RBMS3: variants seen among roughly 807,000 people sequenced by gnomAD.
RBMS3 encodes RNA binding motif single stranded interacting protein 3.
RBMS3 carries 27 observed loss-of-function variants against 66.8 expected under a neutral mutation model. The ratio of observed to expected loss-of-function variants is 0.40; its 90% confidence interval spans 0.30 to 0.56. The LOEUF is 0.56. Among genes scored for constraint, RBMS3 ranks in the 20% least tolerant of loss-of-function variants. RBMS3 has a pLI of 0.40. For missense variants in RBMS3, 513 were observed against 549.5 expected, an observed-to-expected ratio of 0.93 and a Z score of 0.66; for synonymous variants, 188 against 183.0, an observed-to-expected ratio of 1.03 and a Z score of -0.22.
rs1577360089 is a variant in RBMS3 at position 30,000,156 on chromosome 3, T to C, written c.1308-3700T>C. Among the ~76,000 whole-genome samples, 3 of 151,682 alleles carry C rather than the reference T, an allele frequency of 2.0e-5. No individual in the cohort carries two copies. The South Asian group carries it at 6.3e-4, about 32-fold the overall frequency. On this transcript the variant is annotated intron_variant, in intron 14 of 14. Coordinates refer to ENST00000383767, the MANE Select transcript of RBMS3 (RefSeq NM_001003793.3). ...TTGCAATCTACCCATCTGACAAAGGTCTAATATCCAGAATCTACAAAGAAC... is the reference window on the plus strand; with the variant it reads ...TTGCAATCTACCCATCTGACAAAGGCCTAATATCCAGAATCTACAAAGAAC...
At chr3:29,743,038 G>A (rs369157683) in intron 5 of RBMS3, among the ~76,000 whole-genome samples, 28 of 152,220 alleles carry the variant, frequency 1.8e-4, no homozygotes, top group African/African-American at 6.0e-4. Context: ...AAAGTATTTC[G>A]TTCTCCATGT....
chr3:29,349,323 G>A (rs1482049273), intron 1 of RBMS3, among the ~76,000 whole-genome samples: 1 of 152,104 alleles, frequency 6.6e-6, no homozygotes, highest in Non-Finnish European at 1.5e-5. Context: ...TCTTGTCCAG[G>A]GACATTGATC....
intron 1 of RBMS3, among the ~76,000 whole-genome samples, chr3:29,366,939 C>T (rs1267406149): frequency 6.6e-6 from 1 of 151,996 alleles, no homozygotes; most frequent in Non-Finnish European, 1.5e-5. Flanking sequence ...GTAATCAAAA[C>T]AATTATAAAG....
intron 1 of RBMS3, among the ~76,000 whole-genome samples, chr3:29,360,509 A>G (rs1161985947): frequency 6.6e-6 from 1 of 152,042 alleles, no homozygotes; most frequent in Admixed American, 6.5e-5. Flanking sequence ...CGTGCTGAGA[A>G]GAATGTATAT....
chr3:29,789,165 AT>A (rs199508102), intron 6 of RBMS3, among the ~76,000 whole-genome samples: 2 of 151,642 alleles, frequency 1.3e-5, no homozygotes, highest in Non-Finnish European at 2.9e-5. Flanking sequence ...TTCATGATGT[AT>A]TTTTTTTGCC....
chr3:29,386,907 C>T (rs2039035477), intron 1 of RBMS3, among the ~76,000 whole-genome samples: 1 of 152,182 alleles, frequency 6.6e-6, no homozygotes, highest in Admixed American at 6.5e-5. Flanking sequence ...GGACCATTCC[C>T]ATTTTTCATT....
At chr3:29,455,276 T>C (rs2042147849) in intron 2 of RBMS3, among the ~76,000 whole-genome samples, 1 of 152,226 alleles carries the variant, frequency 6.6e-6, no homozygotes, top group Admixed American at 6.5e-5. Flanking sequence ...AAAGCAGGAA[T>C]TGTCTTATCC....
intron 10 of RBMS3, chr3:29,933,911 A>G (rs1440517493): frequency 6.6e-6 from 1 of 152,174 alleles, no homozygotes; most frequent in Non-Finnish European, 1.5e-5. Flanking sequence ...AAGAGACCAG[A>G]CAATTCTTCC....
rs79008406 is a variant in RBMS3 at position 29,583,998 on chromosome 3, T to C, written c.308-3116T>C. Reference sequence around the variant, plus strand: ...TAGATCCCCTGCTAGCTAAATCTGTTTCTTAATTCTTCTTCCCAGCCAAGA... The same window carrying C: ...TAGATCCCCTGCTAGCTAAATCTGTCTCTTAATTCTTCTTCCCAGCCAAGA... On this transcript the variant is annotated intron_variant, in intron 3 of 14. Coordinates refer to ENST00000383767, the MANE Select transcript of RBMS3 (RefSeq NM_001003793.3). Among the ~76,000 whole-genome samples, 581 of 152,194 alleles carry C rather than the reference T, an allele frequency of 3.8e-3. 8 individuals are homozygous for C. The highest frequency in any genetic ancestry group is 0.014 in the African/African-American group (561 of 41,538).
chr3:29,620,056 G>T (rs1209837325), intron 4 of RBMS3, among the ~76,000 whole-genome samples: 1 of 152,118 alleles, frequency 6.6e-6, no homozygotes, highest in Non-Finnish European at 1.5e-5. Context: ...TGAATCCTGA[G>T]AAAATATTTC....
intron 10 of RBMS3, among the ~76,000 whole-genome samples, chr3:29,930,475 T>G (rs186850768): frequency 6.6e-6 from 1 of 152,152 alleles, no homozygotes; most frequent in Admixed American, 6.5e-5. Context: ...TAAATGGAGC[T>G]TATGGATATA....
intron 3 of RBMS3, among the ~76,000 whole-genome samples, chr3:29,568,819 T>C (rs1007876109): frequency 6.6e-6 from 1 of 152,098 alleles, no homozygotes; most frequent in African/African-American, 2.4e-5. Flanking sequence ...GGCAAAGAGA[T>C]TGTAGGAAGA....
intron 3 of RBMS3, among the ~76,000 whole-genome samples, chr3:29,528,206 A>G (rs537257934): frequency 6.7e-6 from 1 of 150,088 alleles, no homozygotes; most frequent in East Asian, 2.0e-4. Flanking sequence ...TCCGCCTCAC[A>G]GGTCCAAGCA....
chr3:29,472,607 G>C (rs532195595), intron 2 of RBMS3, among the ~76,000 whole-genome samples: 4 of 152,042 alleles, frequency 2.6e-5, no homozygotes, highest in Non-Finnish European at 5.9e-5. Context: ...TGGTGGGTTC[G>C]TGGTCTCACT....
At chr3:29,817,814 A>T (rs376690773) in intron 6 of RBMS3, among the ~76,000 whole-genome samples, 12 of 151,508 alleles carry the variant, frequency 7.9e-5, no homozygotes, top group Non-Finnish European at 1.2e-4. Context: ...AGAATATTAT[A>T]AAAAAAACAA....
intron 1 of RBMS3, among the ~76,000 whole-genome samples, chr3:29,358,041 G>A (rs2037333679): frequency 6.6e-6 from 1 of 152,012 alleles, no homozygotes; most frequent in Admixed American, 6.6e-5. Context: ...CTGTGCAGAA[G>A]CTCTTTACGT....
chr3:29,471,449 C>T (rs769654661), intron 2 of RBMS3, among the ~76,000 whole-genome samples: 8 of 152,122 alleles, frequency 5.3e-5, no homozygotes, highest in African/African-American at 1.9e-4. Flanking sequence ...GGCTTCCCCA[C>T]GATTAAAGTT....
chr3:29,648,714 G>GTT lies in RBMS3; in HGVS notation c.399+61517_399+61518dup, dbSNP rs35668644. Among the ~76,000 whole-genome samples the GTT allele has an allele frequency of 1.5e-4, 23 of 150,952 alleles. No homozygotes were observed. In the South Asian group the frequency reaches 3.6e-3, roughly 23 times the overall value. On this transcript the variant is annotated intron_variant, in intron 4 of 14. Coordinates refer to ENST00000383767, the MANE Select transcript of RBMS3 (RefSeq NM_001003793.3). ...GAAAACAATTCTGTAGAATTACAGT[G>GTT]TTTTTTTTTCCTAAACATGTCCAAA... is the stretch of plus-strand genomic sequence containing the variant.
chr3:29,408,271 C>CAA (rs10708935), intron 1 of RBMS3, among the ~76,000 whole-genome samples: 48 of 74,778 alleles, frequency 6.4e-4, no homozygotes, highest in African/African-American at 1.6e-3. Flanking sequence ...GACTCCATCT[C>CAA]AAAAAAAAAA....
Sources: gnomAD v4.1 joint callset for allele counts (sites outside exome capture counted in the v4.1 genomes callset) on GRCh38, gnomAD v4.1.1 for gene constraint, MANE v1.5 for transcripts, NCBI Gene and HGNC (gene_info 2026-07-23, HGNC 2026-07-21) for gene names.